The following ZFP64 variants were observed in gnomAD, a reference collection of about 807,000 sequenced individuals.
ZFP64 encodes the protein zinc finger protein 64.
A neutral mutation model predicts 51.6 loss-of-function variants in ZFP64; 14 were observed. The observed-to-expected ratio is 0.27, with a 90% CI of 0.18 to 0.42. The LOEUF (loss-of-function observed/expected upper bound fraction) is 0.42. Among genes scored for constraint, ZFP64 ranks in the 10% least tolerant of loss-of-function variants. The pLI is 1.00. For synonymous variants in ZFP64, 375 were observed against 361.4 expected, an observed-to-expected ratio of 1.04 and a Z score of -0.43; for missense variants, 754 against 906.8, an observed-to-expected ratio of 0.83 and a Z score of 2.16.
At chr20:52,178,721 C>T (rs1383561438) in intron 2 of ZFP64, among the ~76,000 whole-genome samples, 1 of 151,950 alleles carries the variant, frequency 6.6e-6, no homozygotes, top group Non-Finnish European at 1.5e-5. Context: ...CCCTTTCCCA[C>T]CGTCTTTCTC....
rs920034797 is a variant in ZFP64, at chr20:52,191,074, G to T, written c.46+517C>A. On this transcript the variant is annotated intron_variant, in intron 1 of 5. Coordinates refer to ENST00000216923, the MANE Select transcript of ZFP64 (RefSeq NM_018197.3). This position sits in a 1 kb window ranked among gnomAD's most constrained non-coding sequence, Gnocchi z 4.3. Reference sequence around the variant, plus strand: ...ACTGAACCCCAAACCCAAATAAAGCGACCACGGCCCCGTTTTCCATTCAGA... The same window carrying T: ...ACTGAACCCCAAACCCAAATAAAGCTACCACGGCCCCGTTTTCCATTCAGA... Among the ~76,000 whole-genome samples, 6 of 151,884 alleles carry T rather than the reference G, an allele frequency of 4.0e-5. No homozygotes were observed. The highest frequency in any genetic ancestry group is 7.4e-5 in the Non-Finnish European group (5 of 67,946).
intron 2 of ZFP64, among the ~76,000 whole-genome samples, chr20:52,184,395 C>G (rs796436496): frequency 6.6e-6 from 1 of 152,214 alleles, no homozygotes; most frequent in Admixed American, 6.5e-5. Context: ...ACAGTCCCCA[C>G]CACTCTCTAA....
chr20:52,132,795 A>G (rs556723480), intron 5 of ZFP64, among the ~76,000 whole-genome samples: 1 of 152,270 alleles, frequency 6.6e-6, no homozygotes, highest in Non-Finnish European at 1.5e-5. Flanking sequence ...AAGAACTAAT[A>G]CCAATCCTAC....
intron 5 of ZFP64, among the ~76,000 whole-genome samples, chr20:52,113,142 G>A (rs1023330156): frequency 1.3e-5 from 2 of 152,030 alleles, no homozygotes; most frequent in South Asian, 2.1e-4. Flanking sequence ...AGACCATCCC[G>A]GTTAACACGG....
At chr20:52,095,177 C>A (rs1375904346) in intron 7 of ZFP64, among the ~76,000 whole-genome samples, 1 of 152,236 alleles carries the variant, frequency 6.6e-6, no homozygotes, top group Non-Finnish European at 1.5e-5. Flanking sequence ...GGTAACAGAA[C>A]CTTCTTTGCA....
chr20:52,166,878 A>G (rs1388762444), intron 2 of ZFP64, among the ~76,000 whole-genome samples: 1 of 152,224 alleles, frequency 6.6e-6, no homozygotes, highest in African/African-American at 2.4e-5. Flanking sequence ...TGAAACACCA[A>G]AAAGGAACGA....
chr20:52,098,135 T>C (rs368515251), intron 6 of ZFP64, among the ~76,000 whole-genome samples: 45 of 142,838 alleles, frequency 3.2e-4, no homozygotes, highest in Non-Finnish European at 4.9e-4. Context: ...ATCACACCAT[T>C]GCACTCCAGC....
rs557663780 is a variant in ZFP64, at chr20:52,176,505, C to CTTTTTTTTTTTTTTTTTTTT, written c.286+10326_286+10327insAAAAAAAAAAAAAAAAAAAA. On this transcript the variant is annotated intron_variant, in intron 2 of 5. Coordinates refer to ENST00000216923, the MANE Select transcript of ZFP64 (RefSeq NM_018197.3). Reference sequence around the variant, plus strand: ...ATTTCTAGCTTCTGGTTCAATCTCTCTTTTTTTTTTTTTTTGAGACGGAGT... The same window carrying CTTTTTTTTTTTTTTTTTTTT: ...ATTTCTAGCTTCTGGTTCAATCTCTCTTTTTTTTTTTTTTTTTTTTTTTTTTTTTTTTTTTGAGACGGAGT... Among the ~76,000 whole-genome samples the CTTTTTTTTTTTTTTTTTTTT allele has an allele frequency of 7.3e-5, 10 of 136,726 alleles. 1 individual carries two copies. The highest frequency in any genetic ancestry group is 2.2e-4 in the African/African-American group (8 of 36,156). 89.7% of individuals were successfully genotyped at this position (136,726 alleles called of 152,430 possible). A position where few individuals can be genotyped will look rare whatever the true frequency, so the allele number is the denominator to read the frequency against.
At chr20:52,136,121 G>GA (rs1280168731) in intron 5 of ZFP64, among the ~76,000 whole-genome samples, 2 of 103,804 alleles carry the variant, frequency 1.9e-5, no homozygotes, top group Non-Finnish European at 4.1e-5. Context: ...AAAAAAAAAA[G>GA]AAAAAACCAA....
rs199567479 is a variant in ZFP64, at chr20:52,093,934, CATT to C, written c.976+3436_976+3438del. On this transcript the variant is annotated intron_variant, in intron 7 of 8. Coordinates refer to the ZFP64 transcript ENST00000361387. ...TAAAGTATGAAAATTGCACATTTAA[CATT>C]GATGATTATATCACAATATGATTTT... 1.1e-4 allele frequency among the ~76,000 whole-genome samples: 17 copies of C among 152,334 alleles called. No homozygotes were observed. The East Asian group carries it at 3.3e-3, about 29-fold the overall frequency.
At chr20:52,176,211 C>A (rs921711548) in intron 2 of ZFP64, among the ~76,000 whole-genome samples, 19 of 152,160 alleles carry the variant, frequency 1.2e-4, no homozygotes, top group African/African-American at 4.6e-4. Context: ...CGAGTCCAAC[C>A]TGGGCGACGT....
intron 5 of ZFP64, chr20:52,098,657 G>C (rs745325477): frequency 7.5e-5 from 120 of 1,591,096 alleles, no homozygotes; most frequent in Non-Finnish European, 1.0e-4. Context: ...GAATACAGTA[G>C]GTTTGGGCTT....
chr20:52,089,176 CT>C, intron 7 of ZFP64: 1 of 369,088 alleles, frequency 2.7e-6, no homozygotes, highest in Non-Finnish European at 5.3e-6. Context: ...TCACTACCCC[CT>C]AGCCCAACCC....
chr20:52,168,314 G>T (rs1982449652), intron 2 of ZFP64, among the ~76,000 whole-genome samples: 1 of 152,248 alleles, frequency 6.6e-6, no homozygotes, highest in African/African-American at 2.4e-5. Context: ...TATCTCTGAT[G>T]CATGAATCAG....
intron 5 of ZFP64, among the ~76,000 whole-genome samples, chr20:52,128,154 C>T (rs1260154214): frequency 6.6e-6 from 1 of 152,178 alleles, no homozygotes; most frequent in East Asian, 1.9e-4. Flanking sequence ...GCCCCTGTTC[C>T]TGGACTAGAT....
intron 5 of ZFP64, among the ~76,000 whole-genome samples, chr20:52,156,980 G>A (rs1981373985): frequency 6.6e-6 from 1 of 152,220 alleles, no homozygotes; most frequent in East Asian, 1.9e-4. Flanking sequence ...GAATTTAGAG[G>A]GAATATAGAA....
chr20:52,147,151 T>C (rs1980567493), downstream of ZFP64, among the ~76,000 whole-genome samples: 1 of 152,216 alleles, frequency 6.6e-6, no homozygotes. Flanking sequence ...TTTAACTCCA[T>C]TGTAAACATT....
intron 5 of ZFP64, among the ~76,000 whole-genome samples, chr20:52,114,730 A>G (rs1454379808): frequency 6.6e-6 from 1 of 152,194 alleles, no homozygotes; most frequent in Non-Finnish European, 1.5e-5. Flanking sequence ...CAATCTATCA[A>G]TTCTGCTTTC....
At chr20:52,185,341 AG>A in intron 2 of ZFP64, among the ~76,000 whole-genome samples, 1 of 152,270 alleles carries the variant, frequency 6.6e-6, no homozygotes, top group East Asian at 1.9e-4. Flanking sequence ...GAAGTTTTAT[AG>A]AATGAATACC....
Sources: gnomAD v4.1 joint callset for allele counts (sites outside exome capture counted in the v4.1 genomes callset) on GRCh38, gnomAD v4.1.1 for gene constraint, Gnocchi (gnomAD v3.1) non-coding constraint, MANE v1.5 for transcripts, NCBI Gene and HGNC (gene_info 2026-07-23, HGNC 2026-07-21) for gene names.